Variants in AP3B1 observed in about 807,000 individuals in gnomAD.
The protein encoded by AP3B1 is adaptor related protein complex 3 subunit beta 1.
A neutral mutation model predicts 132.5 loss-of-function variants in AP3B1; 61 were observed. That is an observed-to-expected ratio of 0.46 (90% confidence interval 0.37 to 0.57). The LOEUF (loss-of-function observed/expected upper bound fraction) is 0.57. AP3B1 is among the 20% of genes least tolerant of loss of function. AP3B1 has a pLI of 0.00. For synonymous variants in AP3B1, 388 were observed against 438.3 expected, an observed-to-expected ratio of 0.89 and a Z score of 1.43; for missense variants, 1,120 against 1,289.4, an observed-to-expected ratio of 0.87 and a Z score of 2.01.
Position 78,034,277 on chromosome 5 carries a change from A to G in AP3B1, c.2894+84T>C, listed in dbSNP as rs1184820215. On this transcript the variant is annotated intron_variant, in intron 24 of 26. Transcript: ENST00000255194. ...TGTTTAAATGTTTTGTCTTTCACAC[A>G]CACACAAAAGCTGTTGAAAGCTTAG... The G allele has an allele frequency of 2.1e-4, 221 of 1,031,176 alleles. 1 individual carries two copies. The highest frequency in any genetic ancestry group is 1.2e-5 in the Non-Finnish European group (8 of 652,914). The allele number at this position is 1,031,176 out of a possible 1,614,324, so 63.9% of individuals were successfully genotyped here. A position where few individuals can be genotyped will look rare whatever the true frequency, so the allele number is the denominator to read the frequency against.
chr5:78,094,079 T>G (rs1366050281), intron 21 of AP3B1, among the ~76,000 whole-genome samples: 2 of 152,240 alleles, frequency 1.3e-5, no homozygotes, highest in African/African-American at 4.8e-5. Context: ...TCACTGTCAG[T>G]TGTACTAACA....
intron 22 of AP3B1, among the ~76,000 whole-genome samples, chr5:78,066,792 A>C (rs960086259): frequency 1.3e-5 from 2 of 152,226 alleles, no homozygotes; most frequent in Non-Finnish European, 2.9e-5. Context: ...ACAGGCCAAC[A>C]TGCAAATTCA....
At chr5:78,054,491 G>C (rs1748720201) in intron 22 of AP3B1, among the ~76,000 whole-genome samples, 2 of 146,240 alleles carry the variant, frequency 1.4e-5, no homozygotes, top group Non-Finnish European at 3.0e-5. Context: ...AAACAATCTT[G>C]GTAGTAACAA....
chr5:78,037,152 A>G (rs770464496), intron 23 of AP3B1, among the ~76,000 whole-genome samples: 10 of 152,152 alleles, frequency 6.6e-5, no homozygotes, highest in Non-Finnish European at 1.2e-4. Flanking sequence ...TATTTCTTCT[A>G]TTCTACATAG....
intron 17 of AP3B1, among the ~76,000 whole-genome samples, chr5:78,119,339 A>G (rs1028162975): frequency 3.9e-5 from 6 of 152,238 alleles, no homozygotes; most frequent in Non-Finnish European, 7.3e-5. Context: ...AGCTGGACGG[A>G]GAATGACGTT....
chr5:78,052,646 G>T (rs1243068477), intron 22 of AP3B1, among the ~76,000 whole-genome samples: 3 of 152,052 alleles, frequency 2.0e-5, no homozygotes. Flanking sequence ...TACAAAAAAT[G>T]TTTGCCGATC....
intron 7 of AP3B1, among the ~76,000 whole-genome samples, chr5:78,192,762 CA>C (rs1179040084): frequency 6.6e-6 from 1 of 152,166 alleles, no homozygotes; most frequent in Non-Finnish European, 1.5e-5. Context: ...GAATTAGTGG[CA>C]TTACAAAATG....
chr5:78,166,464 T>C (rs1743633876), intron 11 of AP3B1, among the ~76,000 whole-genome samples: 1 of 152,214 alleles, frequency 6.6e-6, no homozygotes, highest in Non-Finnish European at 1.5e-5. Flanking sequence ...TCTTTTGATT[T>C]GTTCTCCTAT....
chr5:78,291,542 T>C (rs995100899), intron 1 of AP3B1, among the ~76,000 whole-genome samples: 3 of 150,564 alleles, frequency 2.0e-5, no homozygotes, highest in Non-Finnish European at 4.4e-5. Context: ...TCAAGAAGCA[T>C]GCATCACCTA....
chr5:78,180,488 A>C (rs78789260), intron 8 of AP3B1, among the ~76,000 whole-genome samples: 3,867 of 152,168 alleles, frequency 0.025, 175 homozygotes, highest in African/African-American at 0.085. Context: ...AAATAAAAAG[A>C]AGCAGCAGCA....
chr5:78,282,604 T>C (rs1749106209), intron 1 of AP3B1, among the ~76,000 whole-genome samples: 1 of 152,166 alleles, frequency 6.6e-6, no homozygotes. Flanking sequence ...TGAAATATAA[T>C]TCAGAAAAAC....
At chr5:78,169,467 T>A (rs957920080) in intron 11 of AP3B1, among the ~76,000 whole-genome samples, 1 of 152,072 alleles carries the variant, frequency 6.6e-6, no homozygotes, top group African/African-American at 2.4e-5. Flanking sequence ...AGAGACAGGG[T>A]CTCAGGCTGG....
At chr5:78,164,036 C>G (rs1743507891) in intron 12 of AP3B1, among the ~76,000 whole-genome samples, 1 of 151,850 alleles carries the variant, frequency 6.6e-6, no homozygotes, top group South Asian at 2.1e-4. Context: ...AAAAATGGTA[C>G]CAACCAGGTG....
At chr5:78,117,609 C>A (rs575192742) in intron 17 of AP3B1, among the ~76,000 whole-genome samples, 13 of 152,196 alleles carry the variant, frequency 8.5e-5, no homozygotes, top group African/African-American at 3.1e-4. Context: ...CACGTCCAGC[C>A]TATTTTGTTC....
At chr5:78,254,010 C>G (rs1747750739) in intron 2 of AP3B1, among the ~76,000 whole-genome samples, 1 of 144,416 alleles carries the variant, frequency 6.9e-6, no homozygotes. Flanking sequence ...GAGATTGAAA[C>G]AGTTAAAAAG....
chr5:78,013,993 C>G (rs139765497), intron 26 of AP3B1, among the ~76,000 whole-genome samples: 3 of 152,234 alleles, frequency 2.0e-5, no homozygotes, highest in African/African-American at 7.2e-5. Context: ...GAAACCCCGT[C>G]TCTACTAAAA....
At chr5:78,151,360 C>T (rs989017467) in intron 14 of AP3B1, among the ~76,000 whole-genome samples, 1 of 152,182 alleles carries the variant, frequency 6.6e-6, no homozygotes, top group Non-Finnish European at 1.5e-5. Context: ...GCCTTTATAA[C>T]TTTCTCTTGT....
At chr5:78,028,308 C>T (rs1367168413) in intron 24 of AP3B1, among the ~76,000 whole-genome samples, 1 of 151,354 alleles carries the variant, frequency 6.6e-6, no homozygotes, top group East Asian at 1.9e-4. Context: ...GAAAATACTA[C>T]AATTAGTCGG....
At chr5:78,228,083 T>C in intron 4 of AP3B1, 61 bp downstream of exon 4, 1 of 1,179,202 alleles carries the variant, frequency 8.5e-7, no homozygotes, top group Non-Finnish European at 1.2e-6. Context: ...CTTCTTTAAC[T>C]GACACACTTT....
Sources: allele counts gnomAD v4.1 joint callset (sites outside exome capture counted in the v4.1 genomes callset), GRCh38; gene constraint gnomAD v4.1.1; transcripts MANE v1.5; gene names NCBI Gene and HGNC (gene_info 2026-07-23, HGNC 2026-07-21).